Variants in GBP6 observed in about 807,000 individuals in gnomAD.
GBP6 encodes the protein guanylate-binding protein 6.
GBP6 carries 54 observed loss-of-function variants against 61.5 expected under a neutral mutation model. The ratio of observed to expected loss-of-function variants is 0.88; its 90% confidence interval spans 0.71 to 1.10. The LOEUF (loss-of-function observed/expected upper bound fraction) is 1.10. GBP6 is among the 50% of genes least tolerant of loss of function. The pLI, the probability that GBP6 is intolerant of heterozygous loss-of-function variation, is 0.00. For synonymous variants in GBP6, 255 were observed against 273.7 expected, an observed-to-expected ratio of 0.93 and a Z score of 0.67; for missense variants, 748 against 752.8, an observed-to-expected ratio of 0.99 and a Z score of 0.07.
chr1:89,374,696 A>T (rs1286126122), intron 3 of GBP6, among the ~76,000 whole-genome samples: 1 of 152,174 alleles, frequency 6.6e-6, no homozygotes, highest in Non-Finnish European at 1.5e-5. Context: ...ACACCTTTAT[A>T]TATACATATT....
At chr1:89,369,974 C>CCCACAAAG (rs752053840) in intron 3 of GBP6, among the ~76,000 whole-genome samples, 1 of 152,174 alleles carries the variant, frequency 6.6e-6, no homozygotes, top group African/African-American at 2.4e-5. Flanking sequence ...AAAGGTCCTG[C>CCCACAAAG]CCACAAAGAG....
chr1:89,384,719 A>T (rs747619723), intron 10 of GBP6, among the ~76,000 whole-genome samples: 1 of 152,220 alleles, frequency 6.6e-6, no homozygotes, highest in East Asian at 1.9e-4. Flanking sequence ...TACAACTCTT[A>T]GAAATTTCCA....
rs770382526 is a variant in GBP6 at position 89,387,385 on chromosome 1, G to T, written c.*1916G>T. ...TTGTAATTATAGTCTTGGCACACAT[G>T]AACTTATTGCAATATAGTATTTGTT... On this transcript the variant is annotated 3_prime_UTR_variant, in exon 11 of 11. Transcript: ENST00000370456. Among the ~76,000 whole-genome samples the T allele has an allele frequency of 6.6e-6, 1 of 152,130 alleles. No homozygotes were observed.
At chr1:89,384,738 A>T (rs1048402839) in intron 10 of GBP6, among the ~76,000 whole-genome samples, 39 of 152,192 alleles carry the variant, frequency 2.6e-4, no homozygotes, top group Non-Finnish European at 2.9e-5. Flanking sequence ...CAGACTTAAA[A>T]GGACAGGAAA....
intron 1 of GBP6, among the ~76,000 whole-genome samples, chr1:89,364,758 G>A (rs144084441): frequency 1.5e-5 from 2 of 137,862 alleles, no homozygotes; most frequent in Admixed American, 7.7e-5. Flanking sequence ...CTGGGAATCT[G>A]GGTTTGAACA....
rs200619233 is a variant in GBP6, at chr1:89,381,746, G to A, written c.924G>A (p.Val308=). ...TAGAGGCCATCAACAGTGGAGCAGTGCCTTGTCTGGAGAATGCAGTGATAA... is the reference window on the plus strand; with the variant it reads ...TAGAGGCCATCAACAGTGGAGCAGTACCTTGTCTGGAGAATGCAGTGATAA... ...TYVEAINSGA[V]PCLENAVITL... The change falls in exon 7 of 11, where the codon GTG becomes GTA. Residue 308 remains valine, a synonymous_variant. Coordinates refer to ENST00000370456, the MANE Select transcript of GBP6 (RefSeq NM_198460.3). The A allele has an allele frequency of 2.6e-5, 42 of 1,614,174 alleles. No individual in the cohort carries two copies. The East Asian group carries it at 8.5e-4, about 33-fold the overall frequency.
At chr1:89,377,712 T>C (rs893812701) in intron 3 of GBP6, among the ~76,000 whole-genome samples, 8 of 152,224 alleles carry the variant, frequency 5.3e-5, no homozygotes, top group African/African-American at 1.9e-4. Flanking sequence ...TGAATTTAAT[T>C]GAATATAATT....
chr1:89,366,280 G>C (rs1652464534), intron 1 of GBP6, among the ~76,000 whole-genome samples: 1 of 151,814 alleles, frequency 6.6e-6, no homozygotes, highest in Non-Finnish European at 1.5e-5. Context: ...TCTTATTCTT[G>C]TCTGTGGGAG....
intron 4 of GBP6, 51 bp downstream of exon 4, chr1:89,378,263 G>C: frequency 6.4e-7 from 1 of 1,571,344 alleles, no homozygotes; most frequent in South Asian, 1.2e-5. Context: ...GACTTTATAG[G>C]AATGGAGATC....
rs1242066154 is a variant in GBP6 at position 89,369,582 on chromosome 1, AG to A, written c.230del (p.Gly77AlafsTer55). ...GGCTCCACGGTGCAGTCTGAAACCA[AG>A]GGCATCTGGATGTGGTGCGTGCCCC... ...PLGSTVQSET[K>X]GIWMWCVPHP... On this transcript the variant is annotated frameshift_variant, in exon 3 of 11. Coordinates refer to ENST00000370456, the MANE Select transcript of GBP6 (RefSeq NM_198460.3). LOFTEE classifies it high-confidence loss of function. The A allele has an allele frequency of 6.2e-7, 1 of 1,614,094 alleles. No individual in the cohort carries two copies. Among genetic ancestry groups the A allele is most frequent in the Non-Finnish European group, 8.5e-7 (1 of 1,179,970 alleles).
At chr1:89,374,741 T>C (rs1336522273) in intron 3 of GBP6, among the ~76,000 whole-genome samples, 1 of 152,208 alleles carries the variant, frequency 6.6e-6, no homozygotes, top group African/African-American at 2.4e-5. Context: ...GAAATGTGTA[T>C]TCAGGTTCTT....
chr1:89,370,023 C>T (rs1332171261), intron 3 of GBP6, among the ~76,000 whole-genome samples: 1 of 152,162 alleles, frequency 6.6e-6, no homozygotes, highest in Non-Finnish European at 1.5e-5. Flanking sequence ...AAGCAGGTTG[C>T]TGAGAGGGAG....
chr1:89,379,618 T>C (rs2100670038), intron 5 of GBP6, among the ~76,000 whole-genome samples: 1 of 152,346 alleles, frequency 6.6e-6, no homozygotes, highest in East Asian at 1.9e-4. Flanking sequence ...AACATATGTA[T>C]CCATGCTAGA....
Position 89,380,287 on chromosome 1 carries a change from G to C in GBP6, c.626-99G>C, listed in dbSNP as rs901730327. The C allele has an allele frequency of 5.1e-5, 52 of 1,013,100 alleles. No homozygotes were observed. The South Asian group carries it at 7.7e-4, about 15-fold the overall frequency. 62.8% of individuals were successfully genotyped at this position (1,013,100 alleles called of 1,614,324 possible). A position where few individuals can be genotyped will look rare whatever the true frequency, so the allele number is the denominator to read the frequency against. On this transcript the variant is annotated intron_variant, in intron 5 of 10. Coordinates refer to ENST00000370456, the MANE Select transcript of GBP6 (RefSeq NM_198460.3). ...ATGTTAAAGGAGGTCTGTAAGCATA[G>C]AAGATGGCAAAAAGACAATACACCC...
rs2100675318 is a variant in GBP6 at position 89,383,821 on chromosome 1, A to G, written c.1468+67A>G. 6 of 1,215,192 alleles carry G rather than the reference A, an allele frequency of 4.9e-6. No homozygotes were observed. In the East Asian group the frequency reaches 1.2e-4, roughly 24 times the overall value. 75.3% of individuals were successfully genotyped at this position (1,215,192 alleles called of 1,614,324 possible). A position where few individuals can be genotyped will look rare whatever the true frequency, so the allele number is the denominator to read the frequency against. On this transcript the variant is annotated intron_variant, in intron 9 of 10. Transcript: ENST00000370456. ...TACAATGCCCTCTAACAGATCTAAC[A>G]GGAAAACCTTCCCAAAATGAGGAAT...
rs190704651 is a variant in GBP6 at position 89,371,195 on chromosome 1, A to G, written c.318+1522A>G. Among the ~76,000 whole-genome samples, 242 of 152,194 alleles carry G rather than the reference A, an allele frequency of 1.6e-3. 1 individual carries two copies. The highest frequency in any genetic ancestry group is 5.4e-3 in the African/African-American group (224 of 41,556). ...AATTCCCTTTTTTGAGATTGAATAT[A>G]TATAGACGGATTCGCAGCTGAATTC... On this transcript the variant is annotated intron_variant, in intron 3 of 10. Coordinates refer to ENST00000370456, the MANE Select transcript of GBP6 (RefSeq NM_198460.3).
At chr1:89,384,794 C>G (rs1251529732) in intron 10 of GBP6, among the ~76,000 whole-genome samples, 3 of 152,200 alleles carry the variant, frequency 2.0e-5, no homozygotes, top group Non-Finnish European at 4.4e-5. Context: ...GTATAGGTAG[C>G]CTGCCCAAAT....
intron 1 of GBP6, among the ~76,000 whole-genome samples, chr1:89,364,579 G>A (rs925547200): frequency 6.7e-6 from 1 of 148,292 alleles, no homozygotes; most frequent in African/African-American, 2.5e-5. Context: ...CCACATCACT[G>A]GTCTTTATTA....
chr1:89,375,276 A>C (rs191445173), intron 3 of GBP6, among the ~76,000 whole-genome samples: 1 of 152,332 alleles, frequency 6.6e-6, no homozygotes. Flanking sequence ...AAAGCTCGAC[A>C]TCACTGATCA....
Sources: allele counts gnomAD v4.1 joint callset (sites outside exome capture counted in the v4.1 genomes callset), GRCh38; gene constraint gnomAD v4.1.1; transcripts MANE v1.5; gene names NCBI Gene and HGNC (gene_info 2026-07-23, HGNC 2026-07-21).